SFMBT2: variants seen among roughly 807,000 people sequenced by gnomAD.
The protein encoded by SFMBT2 is scm-like with four MBT domains protein 2.
Under a neutral mutation model 110.1 loss-of-function variants are expected in SFMBT2, and 38 were observed. The ratio of observed to expected loss-of-function variants is 0.35; its 90% confidence interval spans 0.27 to 0.45. SFMBT2 has a LOEUF of 0.45. SFMBT2 is among the 20% of genes least tolerant of loss of function. The pLI, the probability that SFMBT2 is intolerant of heterozygous loss-of-function variation, is 1.00. For synonymous variants in SFMBT2, 425 were observed against 425.4 expected (o/e 1.00, Z 0.01); for missense variants, 1,011 against 1,094.9 (o/e 0.92, Z 1.08).
intron 10 of SFMBT2, 82 bp from the exon 11 acceptor site, chr10:7,220,619 G>T: frequency 7.3e-7 from 1 of 1,374,396 alleles, no homozygotes; most frequent in Non-Finnish European, 1.0e-6. Flanking sequence ...AGAAAGAAAT[G>T]CACGCACACG....
At chr10:7,382,639 C>T (rs1244355718) in intron 1 of SFMBT2, among the ~76,000 whole-genome samples, 1 of 152,020 alleles carries the variant, frequency 6.6e-6, no homozygotes, top group Non-Finnish European at 1.5e-5. Context: ...AACCTCCACC[C>T]CCCACACAAC....
At chr10:7,246,023 T>C (rs11255058) in intron 8 of SFMBT2, 7,103 of 208,692 alleles carry the variant, frequency 0.034, 191 homozygotes, top group African/African-American at 0.074. Context: ...GCTAAGAGTA[T>C]TCTGATACCT....
At chr10:7,201,221 C>T (rs1838943113) in intron 13 of SFMBT2, among the ~76,000 whole-genome samples, 1 of 152,194 alleles carries the variant, frequency 6.6e-6, no homozygotes, top group South Asian at 2.1e-4. Context: ...GAGGGGTCCC[C>T]AGGCCCACAG....
rs890205391 is a variant in SFMBT2, at chr10:7,170,817, C to A, written c.2544+111G>T. 1 of 1,316,358 alleles carries A rather than the reference C, an allele frequency of 7.6e-7. No individual in the cohort carries two copies. Among genetic ancestry groups the A allele is most frequent in the Non-Finnish European group, 1.1e-6 (1 of 942,478 alleles). 81.5% of individuals were successfully genotyped at this position (1,316,358 alleles called of 1,614,324 possible). On this transcript the variant is annotated intron_variant, in intron 20 of 20. Coordinates refer to ENST00000397167, the MANE Select transcript of SFMBT2 (RefSeq NM_001387889.1). The surrounding 1 kb of genome is among the most constrained non-coding windows in gnomAD (Gnocchi z 4.6). ...AGGGTCTCGCACACCTGCCGAGCAG[C>A]GCCGAAGAACCCCCTCGCAGGTGTC... is the stretch of plus-strand genomic sequence containing the variant.
chr10:7,263,199 C>T (rs1841267700), intron 7 of SFMBT2, among the ~76,000 whole-genome samples: 1 of 151,954 alleles, frequency 6.6e-6, no homozygotes, highest in South Asian at 2.1e-4. Context: ...AGTCTGCTAA[C>T]AAAATCACCT....
chr10:7,274,600 G>A (rs1841707104), intron 7 of SFMBT2, among the ~76,000 whole-genome samples: 1 of 152,098 alleles, frequency 6.6e-6, no homozygotes, highest in South Asian at 2.1e-4. Flanking sequence ...AGTTTCCTGA[G>A]GCCTCCCCAG....
chr10:7,314,191 C>T (rs1170166255), intron 4 of SFMBT2, among the ~76,000 whole-genome samples: 1 of 152,186 alleles, frequency 6.6e-6, no homozygotes, highest in Non-Finnish European at 1.5e-5. Context: ...CTAGCATTTT[C>T]CTTCAATAGA....
chr10:7,212,260 A>C (rs1415748342), intron 11 of SFMBT2, among the ~76,000 whole-genome samples: 1 of 152,230 alleles, frequency 6.6e-6, no homozygotes, highest in Non-Finnish European at 1.5e-5. Context: ...ACTGTCCCCA[A>C]ATTCGGTTGG....
chr10:7,172,211 G>T lies in SFMBT2; in HGVS notation c.2152-53C>A. On this transcript the variant is annotated intron_variant, in intron 18 of 20. Transcript: ENST00000397167. This position sits in a 1 kb window ranked among gnomAD's most constrained non-coding sequence, Gnocchi z 4.6. ...GGCTGGTGGCCCGGGGGCCTGTAGC[G>T]GTGGCCCCGCGGTCAGACCCTGGGC... The T allele has an allele frequency of 1.3e-6, 2 of 1,509,188 alleles. No homozygotes were observed. The highest frequency in any genetic ancestry group is 8.9e-7 in the Non-Finnish European group (1 of 1,129,540). The allele number at this position is 1,509,188 out of a possible 1,614,324, so 93.5% of individuals were successfully genotyped here.
intron 4 of SFMBT2, among the ~76,000 whole-genome samples, chr10:7,302,568 G>A (rs1454652788): frequency 6.6e-6 from 1 of 152,208 alleles, no homozygotes; most frequent in East Asian, 1.9e-4. Context: ...AGAGATGCAT[G>A]CCTGGGCAAT....
Position 7,218,591 on chromosome 10 carries a change from CACTA to C in SFMBT2, c.1330+1816_1330+1819del, listed in dbSNP as rs1014158775. ...GTATATTTTCTGATCTGTTTCCTAA[CACTA>C]ACTAATTTTCATCACTACCCAATGA... On this transcript the variant is annotated intron_variant, in intron 11 of 20. Coordinates refer to ENST00000397167, the MANE Select transcript of SFMBT2 (RefSeq NM_001387889.1). Among the ~76,000 whole-genome samples, 6 of 152,306 alleles carry C rather than the reference CACTA, an allele frequency of 3.9e-5. No homozygotes were observed. In the East Asian group the frequency reaches 5.8e-4, roughly 15 times the overall value.
Position 7,372,818 on chromosome 10 carries a change from G to A in SFMBT2, c.101-2443C>T, listed in dbSNP as rs114583398. On this transcript the variant is annotated intron_variant, in intron 2 of 20. Transcript: ENST00000397167. ...AGTATCTAAGGATAGCAAACTTGCT[G>A]CAGACAAAGTCCAGAGCTTCTTTCC... is the stretch of plus-strand genomic sequence containing the variant. Among the ~76,000 whole-genome samples the A allele has an allele frequency of 4.1e-3, 631 of 152,318 alleles. 3 individuals are homozygous for A. Among genetic ancestry groups the A allele is most frequent in the African/African-American group, 0.015 (606 of 41,560 alleles).
In SFMBT2 at chr10:7,227,955, C is replaced by T; in HGVS notation, c.1121-18G>A. 6.4e-7 allele frequency: 1 copy of T among 1,556,966 alleles called. No individual in the cohort carries two copies. On this transcript the variant is annotated intron_variant, in intron 9 of 20. Coordinates refer to ENST00000397167, the MANE Select transcript of SFMBT2 (RefSeq NM_001387889.1). Reference sequence around the variant, plus strand: ...AGAGTAACCTGGGAATGACAAAACACAGATAAAACAGCGCACATTAAGCAA... The same window carrying T: ...AGAGTAACCTGGGAATGACAAAACATAGATAAAACAGCGCACATTAAGCAA...
chr10:7,287,523 T>C (rs75063314), intron 4 of SFMBT2, among the ~76,000 whole-genome samples: 1,622 of 152,220 alleles, frequency 0.011, 28 homozygotes, highest in African/African-American at 0.038. Context: ...TACACCTGCA[T>C]CCCTGAGGGA....
intron 4 of SFMBT2, chr10:7,295,196 C>T (rs963874558): frequency 7.2e-5 from 11 of 152,194 alleles, no homozygotes; most frequent in Non-Finnish European, 1.5e-4. Flanking sequence ...CTGCATCTGC[C>T]TTTTTCCTTG....
rs1564433240 is a variant in SFMBT2 at position 7,311,064 on chromosome 10, CAAAACA to C, written c.437-25116_437-25111del. On this transcript the variant is annotated intron_variant, in intron 4 of 20. Coordinates refer to ENST00000397167, the MANE Select transcript of SFMBT2 (RefSeq NM_001387889.1). ...CCATCTCAAAAAAAAAAAAAAAAAA[CAAAACA>C]AAAACAAAATAAAACAAAACAAACT... Among the ~76,000 whole-genome samples, 902 of 119,268 alleles carry C rather than the reference CAAAACA, an allele frequency of 7.6e-3. 15 individuals are homozygous for C. Among genetic ancestry groups the C allele is most frequent in the African/African-American group, 0.026 (841 of 32,934 alleles). The allele number at this position is 119,268 out of a possible 152,430, so 78.2% of individuals were successfully genotyped here.
intron 8 of SFMBT2, 93 bp downstream of exon 8, chr10:7,248,455 C>T: frequency 9.5e-7 from 1 of 1,050,240 alleles, no homozygotes; most frequent in Non-Finnish European, 1.5e-6. Flanking sequence ...GATAGCCTTG[C>T]ACGAACATAT....
At chr10:7,381,551 C>T (rs1312492346) in intron 2 of SFMBT2, among the ~76,000 whole-genome samples, 1 of 152,120 alleles carries the variant, frequency 6.6e-6, no homozygotes, top group East Asian at 1.9e-4. Flanking sequence ...CGTTTCCTGC[C>T]CAGGCCACTG....
At chr10:7,257,580 G>A (rs1486527112) in intron 7 of SFMBT2, among the ~76,000 whole-genome samples, 1 of 152,152 alleles carries the variant, frequency 6.6e-6, no homozygotes, top group Non-Finnish European at 1.5e-5. Context: ...AGACAGCAAT[G>A]GAGAGTATTA....
Sources: allele counts gnomAD v4.1 joint callset (sites outside exome capture counted in the v4.1 genomes callset), GRCh38; gene constraint gnomAD v4.1.1; non-coding constraint Gnocchi (gnomAD v3.1); transcripts MANE v1.5; gene names NCBI Gene and HGNC (gene_info 2026-07-23, HGNC 2026-07-21).